Variants in CHN2 observed in about 807,000 individuals in gnomAD.
The protein encoded by CHN2 is beta-chimaerin.
A neutral mutation model predicts 56.3 loss-of-function variants in CHN2; 35 were observed. That is an observed-to-expected ratio of 0.62 (90% CI 0.47 to 0.82). The LOEUF (loss-of-function observed/expected upper bound fraction) is 0.82. Ranked by LOEUF, CHN2 falls within the 40% of genes least tolerant of loss-of-function variation. The probability of loss-of-function intolerance (pLI) is 0.00; values close to 1 mark genes in which losing one functional copy is unlikely to be tolerated. For synonymous variants in CHN2, 210 were observed against 212.8 expected (o/e 0.99, Z 0.12); for missense variants, 491 against 580.5 (o/e 0.85, Z 1.58).
At chr7:29,343,822 A>G (rs985613739) in intron 1 of CHN2, among the ~76,000 whole-genome samples, 3 of 151,398 alleles carry the variant, frequency 2.0e-5, no homozygotes, top group Non-Finnish European at 2.9e-5. Context: ...TGCCATATGT[A>G]TGCTGGGGTT....
chr7:29,405,012 T>G (rs1379380722), intron 6 of CHN2, among the ~76,000 whole-genome samples: 4 of 152,116 alleles, frequency 2.6e-5, no homozygotes, highest in African/African-American at 9.7e-5. Context: ...CTGCTACTCT[T>G]TCAGACTCTT....
rs542212586 is a variant in CHN2, at chr7:29,171,970, C to T, written c.274+25010C>T. On this transcript the variant is annotated intron_variant, in intron 2 of 6. Transcript: ENST00000439384. ...CTGTATCTGAAGTAATTGTCCTCCTCAACAGAGTGCACAATGCAGGGTGCA... is the reference window on the plus strand; with the variant it reads ...CTGTATCTGAAGTAATTGTCCTCCTTAACAGAGTGCACAATGCAGGGTGCA... 2.0e-5 allele frequency among the ~76,000 whole-genome samples: 3 copies of T among 152,280 alleles called. No individual in the cohort carries two copies. The South Asian group carries it at 6.2e-4, about 32-fold the overall frequency.
At chr7:29,279,011 C>G (rs948613614) in intron 1 of CHN2, among the ~76,000 whole-genome samples, 1 of 152,140 alleles carries the variant, frequency 6.6e-6, no homozygotes, top group Non-Finnish European at 1.5e-5. Flanking sequence ...CCCCAACCCC[C>G]ACCTTCACTC....
intron 6 of CHN2, among the ~76,000 whole-genome samples, chr7:29,414,628 C>CA (rs1803549074): frequency 6.6e-6 from 1 of 152,126 alleles, no homozygotes; most frequent in Non-Finnish European, 1.5e-5. Context: ...CCCAGTGTGG[C>CA]ATGCAAGGCC....
intron 1 of CHN2, among the ~76,000 whole-genome samples, chr7:29,213,804 T>G (rs1261861819): frequency 6.6e-6 from 1 of 152,164 alleles, no homozygotes; most frequent in African/African-American, 2.4e-5. Context: ...TAAGTACAAA[T>G]GAATGAAACA....
intron 1 of CHN2, among the ~76,000 whole-genome samples, chr7:29,242,235 C>G (rs1158652996): frequency 6.6e-6 from 1 of 152,218 alleles, no homozygotes; most frequent in African/African-American, 2.4e-5. Flanking sequence ...TCTACCATGT[C>G]ACAATCCTCA....
chr7:29,268,283 AACACACACACACACACAC>A (rs145638795), intron 1 of CHN2, among the ~76,000 whole-genome samples: 1,507 of 134,240 alleles, frequency 0.011, 27 homozygotes, highest in African/African-American at 0.04. Context: ...GCTTCACCAG[AACACACACACACACACAC>A]ACACACACAC....
chr7:29,256,084 C>T (rs1300325114), intron 1 of CHN2, among the ~76,000 whole-genome samples: 3 of 152,256 alleles, frequency 2.0e-5, no homozygotes, highest in South Asian at 2.1e-4. Context: ...TCTTTCTTTT[C>T]GTTCATTTCA....
chr7:29,381,989 CA>C (rs1184301170), intron 3 of CHN2, among the ~76,000 whole-genome samples: 1 of 152,032 alleles, frequency 6.6e-6, no homozygotes, highest in East Asian at 1.9e-4. Flanking sequence ...GTCAGAGTTC[CA>C]GGGTAGTCCA....
rs760111622 is a variant in CHN2 at position 29,512,703 on chromosome 7, A to C, written c.1375A>C (p.Ile459Leu). Residue 459 changes from isoleucine to leucine, a missense_variant, in exon 13 of 13, where the codon ATT becomes CTT. Transcript: ENST00000222792. ...DMRYQKLIVQ[I>L]LIENEDVLF The stretch of plus-strand genomic sequence containing the variant: ...GCGGTACCAAAAGCTGATTGTGCAG[A>C]TTTTAATAGAAAACGAAGACGTTTT... 1.2e-5 allele frequency: 19 copies of C among 1,614,110 alleles called. No individual in the cohort carries two copies. The highest frequency in any genetic ancestry group is 1.3e-5 in the African/African-American group (1 of 74,952).
intron 1 of CHN2, among the ~76,000 whole-genome samples, chr7:29,232,069 G>C: frequency 6.6e-6 from 1 of 152,096 alleles, no homozygotes; most frequent in East Asian, 1.9e-4. Flanking sequence ...GAGCAGAAAG[G>C]GCACGCTTTG....
At chr7:29,445,025 T>C (rs568801332) in intron 6 of CHN2, 12 of 426,642 alleles carry the variant, frequency 2.8e-5, no homozygotes, top group Non-Finnish European at 5.1e-5. Flanking sequence ...AATGAAGAGA[T>C]AGAGACAGAG....
intron 3 of CHN2, among the ~76,000 whole-genome samples, chr7:29,386,097 A>ATTTT (rs2128064495): frequency 6.6e-6 from 1 of 152,350 alleles, no homozygotes; most frequent in Admixed American, 6.5e-5. Flanking sequence ...TGTTAAAGAA[A>ATTTT]TGCCATGAGG....
chr7:29,155,700 T>C (rs532342479), intron 2 of CHN2, among the ~76,000 whole-genome samples: 9 of 152,352 alleles, frequency 5.9e-5, no homozygotes, highest in African/African-American at 2.2e-4. Flanking sequence ...TTTTAAATCC[T>C]GTCCTTTAGC....
chr7:29,212,411 C>T (rs2128781900), intron 1 of CHN2: 2 of 1,607,182 alleles, frequency 1.2e-6, no homozygotes, highest in Non-Finnish European at 1.7e-6. Flanking sequence ...ACTATCCATC[C>T]TTGCAAATGT....
At chr7:29,154,058 C>T (rs245896) in intron 2 of CHN2, among the ~76,000 whole-genome samples, 136,619 of 152,280 alleles carry the variant, frequency 0.9, 61,567 homozygotes, top group East Asian at 1. Context: ...TTTGACTGCA[C>T]AGGGGGTTGA....
intron 2 of CHN2, among the ~76,000 whole-genome samples, chr7:29,156,551 A>C (rs959353076): frequency 7.9e-4 from 121 of 152,310 alleles, no homozygotes; most frequent in African/African-American, 2.8e-3. Flanking sequence ...TTTTGCCCTG[A>C]GGCATCTGAA....
chr7:29,486,222 G>C (rs1296372509), intron 7 of CHN2, among the ~76,000 whole-genome samples: 1 of 152,166 alleles, frequency 6.6e-6, no homozygotes, highest in Admixed American at 6.5e-5. Context: ...CCAGTGTCTA[G>C]AACAAGTCCT....
chr7:29,404,297 C>T (rs1193844600), intron 6 of CHN2, among the ~76,000 whole-genome samples: 2 of 152,114 alleles, frequency 1.3e-5, no homozygotes, highest in South Asian at 2.1e-4. Flanking sequence ...GTATACCCTA[C>T]GAATCCAATG....
Sources: gnomAD v4.1 joint callset for allele counts (sites outside exome capture counted in the v4.1 genomes callset) on GRCh38, gnomAD v4.1.1 for gene constraint, MANE v1.5 for transcripts, NCBI Gene and HGNC (gene_info 2026-07-23, HGNC 2026-07-21) for gene names.